RYR1: variants seen among roughly 807,000 people sequenced by gnomAD.
RYR1 encodes the protein ryanodine receptor 1.
Under a neutral mutation model 583.5 loss-of-function variants are expected in RYR1, and 342 were observed. The ratio of observed to expected loss-of-function variants is 0.59; its 90% CI spans 0.54 to 0.64. The LOEUF is 0.64. RYR1 is among the 30% of genes least tolerant of loss of function. The pLI is 0.00. For synonymous variants in RYR1, 2,791 were observed against 2,822.5 expected (o/e 0.99, Z 0.35); for missense variants, 6,032 against 6,917.2 (o/e 0.87, Z 4.54).
chr19:38,561,169 C>T lies in RYR1; in HGVS notation c.12339C>T (p.Cys4113=). 3 of 1,614,186 alleles carry T rather than the reference C, an allele frequency of 1.9e-6. No homozygotes were observed. The highest frequency in any genetic ancestry group is 2.5e-6 in the Non-Finnish European group (3 of 1,180,028). The change falls in exon 90 of 106, where the codon TGC becomes TGT. Residue 4113 remains cysteine (C), a synonymous_variant. Coordinates refer to ENST00000359596, the MANE Select transcript of RYR1 (RefSeq NM_000540.3). The surrounding 1 kb of genome is among the most constrained non-coding windows in gnomAD (Gnocchi z 4.8). ...CAGAAATCCAGTTCCTGCTTTCGTG[C>T]TCCGAAGCGGATGAGAACGAAATGA... ...SGPEIQFLLS[C]SEADENEMIN...
chr19:38,530,987 C>CTTTTTTTTTTTTTTTTTTTTTTTTTT (rs59244176), intron 76 of RYR1, among the ~76,000 whole-genome samples: 1 of 129,378 alleles, frequency 7.7e-6, no homozygotes, highest in Non-Finnish European at 1.6e-5. Context: ...TTTTCTTTCT[C>CTTTTTTTTTTTTTTTTTTTTTTTTTT]TTTTTTTTTT....
At chr19:38,497,398 C>T (rs1407730971) in intron 42 of RYR1, among the ~76,000 whole-genome samples, 4 of 152,170 alleles carry the variant, frequency 2.6e-5, no homozygotes, top group South Asian at 2.1e-4. Flanking sequence ...TGGTGAAATG[C>T]GTGGGCTCCA....
rs200042399 is a variant in RYR1 at position 38,500,711 on chromosome 19, C to A, written c.7429C>A (p.Pro2477Thr). 1.2e-6 allele frequency: 2 copies of A among 1,614,008 alleles called. No individual in the cohort carries two copies. Among genetic ancestry groups the A allele is most frequent in the African/African-American group, 1.3e-5 (1 of 74,920 alleles). ...VGIISLPLQI[P>T]TLGKDGALVQ... ...CATCATCAGCCTCCCACTGCAGATT[C>A]CCACCCTGGGCAAAGGTGCAGAGGG... Residue 2477 changes from proline (P) to threonine (T), a missense_variant, in exon 46 of 106, where the codon CCC becomes ACC. Physicochemically the swap from Pro to Thr is conservative, Grantham distance 38. Around this residue, in one of 11 missense-constraint regions of RYR1, gnomAD observed 2,627 missense variants for 2,961.3 expected, o/e 0.89. Coordinates refer to ENST00000359596, the MANE Select transcript of RYR1 (RefSeq NM_000540.3). The surrounding 1 kb of genome is among the most constrained non-coding windows in gnomAD (Gnocchi z 5.9).
At position 38,486,025 on chromosome 19, in the gene RYR1, G is replaced by A. The variant is rs1222078088; in HGVS notation, c.5370G>A (p.Gly1790=). 3.1e-6 allele frequency: 5 copies of A among 1,613,142 alleles called. No homozygotes were observed. The African/African-American group carries it at 5.3e-5, about 17-fold the overall frequency. The change falls in exon 34 of 106, where the codon GGG becomes GGA. Residue 1790 remains glycine, a synonymous_variant. Coordinates refer to ENST00000359596, the MANE Select transcript of RYR1 (RefSeq NM_000540.3). ...TCGTGGCCGCTCTGCCAGCTGCTGG[G>A]GCAGCAGAGGCCCCGGCCCGCCTCA... The part of the protein sequence containing the change: ...PCFVAALPAA[G]AAEAPARLSP...
intron 31 of RYR1, among the ~76,000 whole-genome samples, chr19:38,482,617 AT>A (rs1279374333): frequency 2.0e-5 from 3 of 151,944 alleles, no homozygotes; most frequent in African/African-American, 7.3e-5. Flanking sequence ...TGCCTCGCTA[AT>A]TTTTTATGTT....
intron 67 of RYR1, among the ~76,000 whole-genome samples, chr19:38,521,046 G>A (rs552640443): frequency 6.6e-6 from 1 of 152,200 alleles, no homozygotes; most frequent in African/African-American, 2.4e-5. Context: ...AGACTGAGGC[G>A]GGAGGATCAC....
chr19:38,463,712 G>A (rs1443240070), intron 21 of RYR1, 35 bp from the exon 22 acceptor site: 2 of 1,589,104 alleles, frequency 1.3e-6, no homozygotes, highest in African/African-American at 1.3e-5. Context: ...GGAAGGAAAG[G>A]GGAGCACATG....
In RYR1 at chr19:38,504,107, ACCT is replaced by A. The variant is rs34529638; in HGVS notation, c.7927-109_7927-107del. On this transcript the variant is annotated intron_variant, in intron 49 of 105. Transcript: ENST00000359596. ...TTAGCATATCATTTGCATAACCCACACCTCCTTCATAATTTAAAAGCACTGGCA... is the reference window on the plus strand; with the variant it reads ...TTAGCATATCATTTGCATAACCCACACCTTCATAATTTAAAAGCACTGGCA... The A allele has an allele frequency of 0.33, 348,848 of 1,066,054 alleles. 53,918 individuals carry two copies. Among genetic ancestry groups the A allele is most frequent in the African/African-American group, 0.47 (30,405 of 64,464 alleles). The allele number at this position is 1,066,054 out of a possible 1,614,324, so 66.0% of individuals were successfully genotyped here. A position where few individuals can be genotyped will look rare whatever the true frequency, so the allele number is the denominator to read the frequency against.
chr19:38,457,763 T>G, intron 17 of RYR1, 133 bp downstream of exon 17: 4 of 949,874 alleles, frequency 4.2e-6, no homozygotes, highest in Non-Finnish European at 6.6e-6. Flanking sequence ...CTCACAGATG[T>G]CCACTGTGGC....
chr19:38,460,346 A>G, intron 19 of RYR1, 29 bp from the exon 20 acceptor site: 1 of 1,601,830 alleles, frequency 6.2e-7, no homozygotes, highest in Non-Finnish European at 8.6e-7. Context: ...ACCTCCCCTC[A>G]ATGATCCCCA....
In RYR1 at chr19:38,523,906, G is replaced by A. The variant is rs754278293; in HGVS notation, c.10441-9G>A. 2 of 1,614,012 alleles carry A rather than the reference G, an allele frequency of 1.2e-6. No homozygotes were observed. The highest frequency in any genetic ancestry group is 2.2e-5 in the South Asian group (2 of 91,064). ...CCTTCTTGTCTCTGTCTGCGGTCCG[G>A]TGAAGCAGGCGGGAGATATACAGGT... is the stretch of plus-strand genomic sequence containing the variant. On this transcript the variant is annotated splice_polypyrimidine_tract_variant and intron_variant, in intron 69 of 105. Transcript: ENST00000359596.
At chr19:38,526,344 C>T (rs527406569) in intron 71 of RYR1, among the ~76,000 whole-genome samples, 1 of 151,870 alleles carries the variant, frequency 6.6e-6, no homozygotes, top group Admixed American at 6.6e-5. Context: ...GCCCTCCCCC[C>T]AGGACCACAC....
chr19:38,584,351 G>A lies in RYR1; in HGVS notation c.14647-592G>A, dbSNP rs142290738. Reference sequence around the variant, plus strand: ...TCCGTCTGTGCCCCCCATCCATCCCGGCCCTGACCCCTCTGCCTGTGCCCC... The same window carrying A: ...TCCGTCTGTGCCCCCCATCCATCCCAGCCCTGACCCCTCTGCCTGTGCCCC... On this transcript the variant is annotated intron_variant, in intron 101 of 105. Transcript: ENST00000359596. 9.7e-3 allele frequency among the ~76,000 whole-genome samples: 865 copies of A among 88,826 alleles called. 20 individuals are homozygous for A. Among genetic ancestry groups the A allele is most frequent in the African/African-American group, 0.035 (774 of 21,910 alleles). 58.3% of individuals were successfully genotyped at this position (88,826 alleles called of 152,430 possible).
chr19:38,458,733 T>C (rs1460904070), intron 18 of RYR1, among the ~76,000 whole-genome samples: 1 of 152,216 alleles, frequency 6.6e-6, no homozygotes, highest in Non-Finnish European at 1.5e-5. Flanking sequence ...CAAGTAATTC[T>C]CCTGCCTCAG....
At chr19:38,582,283 G>A (rs55800808) in intron 101 of RYR1, among the ~76,000 whole-genome samples, 136 of 152,128 alleles carry the variant, frequency 8.9e-4, no homozygotes, top group African/African-American at 3.1e-3. Flanking sequence ...TGTAATCCCA[G>A]CTACTCGGGA....
intron 16 of RYR1, among the ~76,000 whole-genome samples, chr19:38,456,128 C>T (rs1380735323): frequency 3.7e-5 from 5 of 133,342 alleles, no homozygotes; most frequent in Admixed American, 8.2e-5. Flanking sequence ...CACACCACCA[C>T]GCCCAGCTAA....
chr19:38,565,609 G>T lies in RYR1; in HGVS notation c.13275G>T (p.Ala4425=), dbSNP rs1174316542. The change falls in exon 91 of 106, where the codon GCG becomes GCT. Residue 4425 remains alanine, a synonymous_variant. Transcript: ENST00000359596. The surrounding 1 kb of genome is among the most constrained non-coding windows in gnomAD (Gnocchi z 4.7). ...AGGGCGCTGGAGACGAGGAGGAGGC[G>T]GTGCACGAGGCCGGGCCGGGCGGTG... The part of the protein sequence containing the change: ...AAEGAGDEEE[A]VHEAGPGGAD... 1.4e-6 allele frequency: 2 copies of T among 1,437,190 alleles called. No individual in the cohort carries two copies. Among genetic ancestry groups the T allele is most frequent in the Non-Finnish European group, 1.8e-6 (2 of 1,103,848 alleles). The allele number at this position is 1,437,190 out of a possible 1,614,324, so 89.0% of individuals were successfully genotyped here. A position where few individuals can be genotyped will look rare whatever the true frequency, so the allele number is the denominator to read the frequency against.
rs1322949555 is a variant in RYR1, at chr19:38,451,875, C to T, written c.1234C>T (p.Gln412Ter). The change falls in exon 12 of 106, where the codon CAG becomes TAG. Residue 412 changes from glutamine (Q) to a stop codon, truncating the protein, a stop_gained. Transcript: ENST00000359596. LOFTEE classifies it high-confidence loss of function. ...CCACAGCACCAATGGCCTATACAAC[C>T]AGTTCATCAAGTGAGCAACCTGCCC... ...MIHSTNGLYN[Q>*]FIKSLDSFSG... 6.2e-7 allele frequency: 1 copy of T among 1,613,976 alleles called. No homozygotes were observed. Among genetic ancestry groups the T allele is most frequent in the East Asian group, 2.2e-5 (1 of 44,876 alleles).
At chr19:38,525,576 G>C in intron 71 of RYR1, 74 bp downstream of exon 71, 1 of 1,518,502 alleles carries the variant, frequency 6.6e-7, no homozygotes, top group Non-Finnish European at 9.0e-7. Context: ...GGACCTTAGG[G>C]AACAACCACA....
Sources: gnomAD v4.1 joint callset for allele counts (sites outside exome capture counted in the v4.1 genomes callset) on GRCh38, gnomAD v4.1.1 for gene constraint, gnomAD v4.1.1 regional missense constraint, Gnocchi (gnomAD v3.1) non-coding constraint, MANE v1.5 for transcripts, NCBI Gene and HGNC (gene_info 2026-07-23, HGNC 2026-07-21) for gene names.